MS4A8: variants seen among roughly 807,000 people sequenced by gnomAD.
MS4A8 encodes membrane-spanning 4-domains subfamily A member 8.
A neutral mutation model predicts 23.7 loss-of-function variants in MS4A8; 27 were observed. The ratio of observed to expected loss-of-function variants is 1.14; its 90% confidence interval spans 0.84 to 1.57. The LOEUF is 1.57. Ranked by LOEUF, MS4A8 falls within the 40% of genes most tolerant of loss-of-function variation. The pLI is 0.00. For synonymous variants in MS4A8, 138 were observed against 126.3 expected (o/e 1.09, Z -0.62); for missense variants, 301 against 311.4 (o/e 0.97, Z 0.25).
At chr11:60,710,455 C>G (rs1480953032) in intron 5 of MS4A8, among the ~76,000 whole-genome samples, 1 of 152,164 alleles carries the variant, frequency 6.6e-6, no homozygotes, top group African/African-American at 2.4e-5. Context: ...CCCTGTCTTT[C>G]TCTCACACCT....
At chr11:60,701,230 A>G (rs2088201549) in intron 2 of MS4A8, 151 bp downstream of exon 2, 1 of 755,180 alleles carries the variant, frequency 1.3e-6, no homozygotes. Flanking sequence ...TAGAAAGCTC[A>G]GCTGCACAAC....
rs147892392 is a variant in MS4A8 at position 60,707,057 on chromosome 11, A to C, written c.402+10A>C. ...ATATTCTTATTGCCTGGTAAGTTAC[A>C]TTCTGAGACCAGCTCTTCCAACTGG... On this transcript the variant is annotated intron_variant, in intron 4 of 6. Coordinates refer to ENST00000300226, the MANE Select transcript of MS4A8 (RefSeq NM_031457.2). 950 of 1,611,956 alleles carry C rather than the reference A, an allele frequency of 5.9e-4. 9 individuals are homozygous for C. In the East Asian group the frequency reaches 0.015, roughly 26 times the overall value.
chr11:60,713,302 G>A (rs932948255), intron 5 of MS4A8, among the ~76,000 whole-genome samples: 3 of 152,136 alleles, frequency 2.0e-5, no homozygotes, highest in African/African-American at 7.2e-5. Flanking sequence ...GGGGCCTAGG[G>A]GACCGGCGTT....
At chr11:60,703,562 C>T (rs2088225587) in intron 3 of MS4A8, 62 bp downstream of exon 3, 2 of 1,583,584 alleles carry the variant, frequency 1.3e-6, no homozygotes, top group South Asian at 2.3e-5. Context: ...CTCAAGGCCA[C>T]CTTGCCAAGT....
intron 2 of MS4A8, among the ~76,000 whole-genome samples, chr11:60,702,036 T>C (rs1011679675): frequency 1.3e-5 from 2 of 152,234 alleles, no homozygotes; most frequent in Non-Finnish European, 2.9e-5. Flanking sequence ...TTTAAGGAAG[T>C]AATATATTTG....
intron 3 of MS4A8, 96 bp from the exon 4 acceptor site, chr11:60,706,892 C>A: frequency 2.9e-6 from 3 of 1,047,136 alleles, no homozygotes; most frequent in Admixed American, 3.5e-5. Context: ...ATGGTTCCAG[C>A]AAAGGTACCC....
At chr11:60,707,086 C>G (rs1284855093) in intron 4 of MS4A8, 39 bp downstream of exon 4, 1 of 1,570,226 alleles carries the variant, frequency 6.4e-7, no homozygotes, top group Non-Finnish European at 8.8e-7. Context: ...CAACTGGAGA[C>G]CTATAGAATG....
intron 5 of MS4A8, among the ~76,000 whole-genome samples, chr11:60,711,059 A>G (rs2088296331): frequency 6.6e-6 from 1 of 152,096 alleles, no homozygotes. Context: ...CCTGTAGTCT[A>G]TGCATCTAAC....
At chr11:60,701,615 C>A in intron 2 of MS4A8, 1 of 247,396 alleles carries the variant, frequency 4.0e-6, no homozygotes. Context: ...ACCCTAGCTC[C>A]ACCCTCAGAT....
intron 3 of MS4A8, among the ~76,000 whole-genome samples, chr11:60,705,931 T>C (rs1261713525): frequency 6.6e-6 from 1 of 152,206 alleles, no homozygotes; most frequent in East Asian, 1.9e-4. Flanking sequence ...ATTGATAAAA[T>C]GGCAAGAGTA....
At chr11:60,708,898 G>A in intron 5 of MS4A8, 117 bp downstream of exon 5, 2 of 1,294,516 alleles carry the variant, frequency 1.5e-6, no homozygotes, top group Non-Finnish European at 1.1e-6. Context: ...AAAAGGAGGT[G>A]CTTTCAGCAT....
chr11:60,707,671 G>A (rs367840009), intron 4 of MS4A8, among the ~76,000 whole-genome samples: 7 of 152,110 alleles, frequency 4.6e-5, no homozygotes, highest in Non-Finnish European at 7.3e-5. Context: ...ATGTGGAAGC[G>A]TATCTTTCTG....
intron 5 of MS4A8, 49 bp from the exon 6 acceptor site, chr11:60,714,972 C>T (rs754457243): frequency 1.0e-5 from 14 of 1,344,860 alleles, no homozygotes; most frequent in African/African-American, 4.3e-5. Context: ...GAGGTCAGTT[C>T]GGACTCCCAG....
At chr11:60,706,172 T>C (rs1315514375) in intron 3 of MS4A8, among the ~76,000 whole-genome samples, 1 of 152,212 alleles carries the variant, frequency 6.6e-6, no homozygotes, top group Non-Finnish European at 1.5e-5. Flanking sequence ...GAATTATATG[T>C]CAATGAAGCC....
intron 4 of MS4A8, among the ~76,000 whole-genome samples, chr11:60,707,444 A>G (rs1590953935): frequency 6.6e-6 from 1 of 151,920 alleles, no homozygotes; most frequent in Non-Finnish European, 1.5e-5. Flanking sequence ...AGAGAAGAGG[A>G]CTCCGGGGAA....
intron 2 of MS4A8, among the ~76,000 whole-genome samples, chr11:60,702,123 C>A (rs2088210244): frequency 6.6e-6 from 1 of 152,156 alleles, no homozygotes; most frequent in Non-Finnish European, 1.5e-5. Context: ...TCCCAGTGTA[C>A]CCATCGTAAA....
At chr11:60,709,685 T>C (rs1565053129) in intron 5 of MS4A8, among the ~76,000 whole-genome samples, 1 of 152,216 alleles carries the variant, frequency 6.6e-6, no homozygotes, top group Non-Finnish European at 1.5e-5. Flanking sequence ...CAATCCTCTG[T>C]CTGCGCAACT....
intron 5 of MS4A8, among the ~76,000 whole-genome samples, chr11:60,711,552 C>T (rs1332793938): frequency 2.0e-5 from 3 of 152,166 alleles, no homozygotes; most frequent in East Asian, 3.9e-4. Flanking sequence ...CACCTCCCTT[C>T]GAATCTCTCA....
At chr11:60,700,273 C>T (rs1230498329) in intron 1 of MS4A8, among the ~76,000 whole-genome samples, 2 of 152,166 alleles carry the variant, frequency 1.3e-5, no homozygotes, top group Non-Finnish European at 2.9e-5. Flanking sequence ...AGGCCGGGTG[C>T]GGTGGTTCAC....
Sources: allele counts gnomAD v4.1 joint callset (sites outside exome capture counted in the v4.1 genomes callset), GRCh38; gene constraint gnomAD v4.1.1; transcripts MANE v1.5; gene names NCBI Gene and HGNC (gene_info 2026-07-23, HGNC 2026-07-21).